The following CHST9 variants were observed in gnomAD, a reference collection of about 807,000 sequenced individuals.
CHST9 encodes the protein GalNAc-4-sulfotransferase 2.
In CHST9, 41 loss-of-function variants were observed where a neutral mutation model predicts 44.4. The observed-to-expected ratio is 0.92, with a 90% CI of 0.72 to 1.20. CHST9 has a LOEUF of 1.20. CHST9 is among the 50% of genes most tolerant of loss of function. The probability of loss-of-function intolerance (pLI) is 0.00; values close to 1 mark genes in which losing one functional copy is unlikely to be tolerated. For synonymous variants in CHST9, 171 were observed against 178.4 expected (o/e 0.96, Z 0.33); for missense variants, 504 against 516.5 (o/e 0.98, Z 0.23).
At chr18:27,103,189 T>G (rs549771104) in intron 2 of CHST9, among the ~76,000 whole-genome samples, 2 of 152,184 alleles carry the variant, frequency 1.3e-5, no homozygotes. Flanking sequence ...AACTGAGGCA[T>G]AGAACGGGTA....
rs374613360 is a variant in CHST9 at position 27,024,134 on chromosome 18, G to T, written c.184C>A (p.Arg62=). ...TACTCACTGATTCTGGGTACAGGCC[G>T]CAAGTACTTCACTGGTCCCCATCCT... ...TSGWGPVKYL[R]PVPRIMSTEK... is the part of the protein sequence containing the mutation. The change falls in exon 4 of 6, where the codon CGG becomes AGG. Residue 62 remains arginine, a synonymous_variant. Transcript: ENST00000618847. 4 of 1,611,450 alleles carry T rather than the reference G, an allele frequency of 2.5e-6. No homozygotes were observed. The African/African-American group carries it at 4.0e-5, about 16-fold the overall frequency.
intron 2 of CHST9, among the ~76,000 whole-genome samples, chr18:27,076,859 C>T (rs1314972237): frequency 2.6e-5 from 4 of 152,108 alleles, no homozygotes; most frequent in Non-Finnish European, 5.9e-5. Flanking sequence ...GCTACATGTC[C>T]AATGAGGGGA....
At chr18:27,016,562 C>T (rs1035962317) in intron 4 of CHST9, among the ~76,000 whole-genome samples, 1 of 152,192 alleles carries the variant, frequency 6.6e-6, no homozygotes, top group Non-Finnish European at 1.5e-5. Context: ...AGACAGTAAG[C>T]TCCCGGAGGT....
chr18:26,955,131 T>C (rs1483134302), intron 4 of CHST9, among the ~76,000 whole-genome samples: 1 of 152,178 alleles, frequency 6.6e-6, no homozygotes, highest in Non-Finnish European at 1.5e-5. Context: ...TATCAAATGC[T>C]TTGTTTGTGA....
chr18:27,027,343 T>A (rs1423270880), intron 3 of CHST9, among the ~76,000 whole-genome samples: 1 of 152,220 alleles, frequency 6.6e-6, no homozygotes, highest in Non-Finnish European at 1.5e-5. Flanking sequence ...CAGGATTTGT[T>A]TTTCCAGCTA....
At chr18:27,183,891 G>A (rs904025301) in intron 1 of CHST9, among the ~76,000 whole-genome samples, 22 of 152,096 alleles carry the variant, frequency 1.4e-4, no homozygotes, top group African/African-American at 4.6e-4. Flanking sequence ...GGAATTAACA[G>A]GTGCCAGCCA....
chr18:26,913,470 T>C lies in CHST9; in HGVS notation c.*2789A>G, dbSNP rs765059630. The C allele has an allele frequency of 6.6e-6, 1 of 152,182 alleles. No individual in the cohort carries two copies. Among genetic ancestry groups the C allele is most frequent in the Admixed American group, 6.5e-5 (1 of 15,278 alleles). 9.4% of individuals were successfully genotyped at this position (152,182 alleles called of 1,614,324 possible). A position where few individuals can be genotyped will look rare whatever the true frequency, so the allele number is the denominator to read the frequency against. On this transcript the variant is annotated 3_prime_UTR_variant, in exon 6 of 6. Transcript: ENST00000618847. ...ATCAATATTGCACATCTATAGATAG[T>C]TTACAGGTTACATAACTGTGGTTTT... is the stretch of plus-strand genomic sequence containing the variant.
intron 2 of CHST9, among the ~76,000 whole-genome samples, chr18:27,085,424 C>T (rs996266653): frequency 6.6e-6 from 1 of 151,834 alleles, no homozygotes; most frequent in East Asian, 1.9e-4. Context: ...AAATCGACAA[C>T]CAAAAAACAA....
At chr18:27,071,362 A>G (rs1431259384) in intron 2 of CHST9, among the ~76,000 whole-genome samples, 2 of 152,232 alleles carry the variant, frequency 1.3e-5, no homozygotes, top group East Asian at 1.9e-4. Flanking sequence ...GAACTATAAA[A>G]CTGGAAATGA....
Position 27,041,460 on chromosome 18 carries a change from T to C in CHST9, c.160+7005A>G, listed in dbSNP as rs528192145. ...ACAAGGAGGCACCCTGTGAAATTTA[T>C]TGTGATGCAGCTGAAGATAATACTT... On this transcript the variant is annotated intron_variant, in intron 3 of 5. Transcript: ENST00000618847. Among the ~76,000 whole-genome samples the C allele has an allele frequency of 2.6e-5, 4 of 152,266 alleles. No individual in the cohort carries two copies. The East Asian group carries it at 7.7e-4, about 29-fold the overall frequency.
Position 27,148,921 on chromosome 18 carries a change from T to C in CHST9, c.-96-6016A>G, listed in dbSNP as rs1285331843. Reference sequence around the variant, plus strand: ...TCTCCACATCCTCTCCAGCATCTGTTGTTTCCTGACTTTTTAATGATCGCC... The same window carrying C: ...TCTCCACATCCTCTCCAGCATCTGTCGTTTCCTGACTTTTTAATGATCGCC... On this transcript the variant is annotated intron_variant, in intron 1 of 5. Transcript: ENST00000618847. 2.2e-5 allele frequency among the ~76,000 whole-genome samples: 3 copies of C among 134,876 alleles called. 1 individual carries two copies. The highest frequency in any genetic ancestry group is 4.9e-5 in the Non-Finnish European group (3 of 61,028). The allele number at this position is 134,876 out of a possible 152,430, so 88.5% of individuals were successfully genotyped here.
In CHST9 at chr18:27,102,874, A is replaced by G. The variant is rs75317550; in HGVS notation, c.121+39815T>C. Reference sequence around the variant, plus strand: ...GGATTCAACACTTTTTTTTTTCTGTATTGAATTTTAAAGTACTGTTTGTGA... The same window carrying G: ...GGATTCAACACTTTTTTTTTTCTGTGTTGAATTTTAAAGTACTGTTTGTGA... On this transcript the variant is annotated intron_variant, in intron 2 of 5. Coordinates refer to ENST00000618847, the MANE Select transcript of CHST9 (RefSeq NM_031422.6). 5.3e-5 allele frequency among the ~76,000 whole-genome samples: 8 copies of G among 151,854 alleles called. No homozygotes were observed. The East Asian group carries it at 1.5e-3, about 29-fold the overall frequency.
At chr18:27,088,457 C>T (rs1348708854) in intron 2 of CHST9, among the ~76,000 whole-genome samples, 1 of 150,136 alleles carries the variant, frequency 6.7e-6, no homozygotes, top group South Asian at 2.1e-4. Flanking sequence ...TGCAGTGGCG[C>T]GATCTCGGCT....
At position 27,119,548 on chromosome 18, in the gene CHST9, C is replaced by T. The variant is rs2058356552; in HGVS notation, c.121+23141G>A. On this transcript the variant is annotated intron_variant, in intron 2 of 5. Transcript: ENST00000618847. The stretch of plus-strand genomic sequence containing the variant: ...TTCTCTAGCCTGATTACTTGCCCCT[C>T]TCCAGTGAGTCTCTAGCTATTTTCA... Among the ~76,000 whole-genome samples, 3 of 152,124 alleles carry T rather than the reference C, an allele frequency of 2.0e-5. No individual in the cohort carries two copies. In the South Asian group the frequency reaches 6.2e-4, roughly 32 times the overall value.
Position 26,915,256 on chromosome 18 carries a change from A to C in CHST9, c.*1003T>G. The C allele has an allele frequency of 3.1e-6, 1 of 327,298 alleles. No homozygotes were observed. Among genetic ancestry groups the C allele is most frequent in the East Asian group, 4.6e-5 (1 of 21,620 alleles). The allele number at this position is 327,298 out of a possible 1,614,324, so 20.3% of individuals were successfully genotyped here. On this transcript the variant is annotated 3_prime_UTR_variant, in exon 6 of 6. Coordinates refer to ENST00000618847, the MANE Select transcript of CHST9 (RefSeq NM_031422.6). ...TCTTTGAAGTGGTATATTAGTTTTTAAAAAGTCATTCCTAAGCTGAATAAT... is the reference window on the plus strand; with the variant it reads ...TCTTTGAAGTGGTATATTAGTTTTTCAAAAGTCATTCCTAAGCTGAATAAT...
At chr18:27,060,609 A>G (rs2057710688) in intron 2 of CHST9, among the ~76,000 whole-genome samples, 1 of 152,174 alleles carries the variant, frequency 6.6e-6, no homozygotes, top group Non-Finnish European at 1.5e-5. Flanking sequence ...GAAGGGCAGT[A>G]ACTTTCTAGC....
intron 2 of CHST9, among the ~76,000 whole-genome samples, chr18:27,068,733 C>G (rs879937080): frequency 6.6e-6 from 1 of 152,122 alleles, no homozygotes; most frequent in Non-Finnish European, 1.5e-5. Flanking sequence ...ATTCTTGTGG[C>G]CTTTGGCTTA....
At chr18:27,099,380 T>C (rs892225808) in intron 2 of CHST9, among the ~76,000 whole-genome samples, 2 of 152,038 alleles carry the variant, frequency 1.3e-5, no homozygotes, top group Non-Finnish European at 2.9e-5. Flanking sequence ...GTAAAAGAAC[T>C]ATCAACAGAG....
intron 2 of CHST9, among the ~76,000 whole-genome samples, chr18:27,105,843 T>C (rs866009492): frequency 2.0e-5 from 3 of 152,190 alleles, no homozygotes; most frequent in Middle Eastern, 6.8e-3. Context: ...AAGGTGATAG[T>C]CTAAATGGAC....
Sources: gnomAD v4.1 joint callset for allele counts (sites outside exome capture counted in the v4.1 genomes callset) on GRCh38, gnomAD v4.1.1 for gene constraint, MANE v1.5 for transcripts, NCBI Gene and HGNC (gene_info 2026-07-23, HGNC 2026-07-21) for gene names.